Variants in C12orf42 observed in about 807,000 individuals in gnomAD.
The protein encoded by C12orf42 is uncharacterized protein C12orf42.
In C12orf42, 25 loss-of-function variants were observed where a neutral mutation model predicts 21.6. The observed-to-expected ratio is 1.16, with a 90% confidence interval of 0.84 to 1.62. The LOEUF (loss-of-function observed/expected upper bound fraction) is 1.62, where lower values mean the gene tolerates loss of function less well. C12orf42 is among the 40% of genes most tolerant of loss of function. The pLI, the probability that C12orf42 is intolerant of heterozygous loss-of-function variation, is 0.00. For synonymous variants in C12orf42, 174 were observed against 175.0 expected (o/e 0.99, Z 0.05); for missense variants, 483 against 459.3 (o/e 1.05, Z -0.47).
intron 5 of C12orf42, 129 bp downstream of exon 5, chr12:103,305,845 C>T: frequency 8.6e-7 from 1 of 1,160,176 alleles, no homozygotes; most frequent in Non-Finnish European, 1.2e-6. Flanking sequence ...CTGGCTACTA[C>T]AGTTCTTACA....
chr12:103,447,076 C>T (rs908489129), intron 2 of C12orf42, among the ~76,000 whole-genome samples: 12 of 151,928 alleles, frequency 7.9e-5, no homozygotes, highest in African/African-American at 2.7e-4. Context: ...GTCATCAGCA[C>T]ATGGAACATT....
At chr12:103,331,502 C>T (rs1355162558) in intron 4 of C12orf42, among the ~76,000 whole-genome samples, 1 of 152,156 alleles carries the variant, frequency 6.6e-6, no homozygotes, top group Admixed American at 6.5e-5. Flanking sequence ...AGGTTCTGCT[C>T]TTGTTGACTT....
the C12orf42 span, among the ~76,000 whole-genome samples, chr12:103,540,255 C>T: frequency 6.6e-6 from 1 of 152,170 alleles, no homozygotes; most frequent in Non-Finnish European, 1.5e-5. Flanking sequence ...ATCTGCCTGC[C>T]GCAGCCTCCC....
intron 4 of C12orf42, among the ~76,000 whole-genome samples, chr12:103,354,334 TAA>T (rs1202321056): frequency 1.3e-5 from 2 of 152,086 alleles, no homozygotes; most frequent in African/African-American, 4.8e-5. Context: ...CTAGCCCAAG[TAA>T]AAGAGATCTC....
the C12orf42 span, among the ~76,000 whole-genome samples, chr12:103,515,948 A>G: frequency 2.6e-5 from 4 of 152,230 alleles, no homozygotes; most frequent in African/African-American, 7.2e-5. Flanking sequence ...TGTCATGTGT[A>G]AGAAAGATGA....
At chr12:103,123,319 C>G in the C12orf42 span, among the ~76,000 whole-genome samples, 2 of 152,164 alleles carry the variant, frequency 1.3e-5, no homozygotes, top group Non-Finnish European at 1.5e-5. Flanking sequence ...CATTCAAATC[C>G]TCAGACTGAC....
At chr12:103,064,405 C>T in the C12orf42 span, among the ~76,000 whole-genome samples, 1 of 152,194 alleles carries the variant, frequency 6.6e-6, no homozygotes, top group South Asian at 2.1e-4. Flanking sequence ...ATCAGAATAG[C>T]CTGACCTGTG....
chr12:103,072,546 A>G, the C12orf42 span, among the ~76,000 whole-genome samples: 1 of 152,138 alleles, frequency 6.6e-6, no homozygotes, highest in African/African-American at 2.4e-5. Context: ...ATTCTACAAT[A>G]GCAGTACACT....
At chr12:103,272,923 T>A (rs913618781) in intron 5 of C12orf42, among the ~76,000 whole-genome samples, 2 of 152,206 alleles carry the variant, frequency 1.3e-5, no homozygotes, top group African/African-American at 4.8e-5. Context: ...CTGTTCAGTA[T>A]TTTCCAGACT....
At chr12:103,341,224 C>T (rs376710238) in intron 4 of C12orf42, among the ~76,000 whole-genome samples, 4 of 151,064 alleles carry the variant, frequency 2.6e-5, no homozygotes, top group East Asian at 2.0e-4. Flanking sequence ...CATGGTGGCA[C>T]ATGCCTGTAA....
At chr12:103,072,100 C>T in the C12orf42 span, among the ~76,000 whole-genome samples, 1 of 152,110 alleles carries the variant, frequency 6.6e-6, no homozygotes, top group Non-Finnish European at 1.5e-5. Flanking sequence ...TTTTATTTCC[C>T]AGTCTGATTC....
intron 4 of C12orf42, among the ~76,000 whole-genome samples, chr12:103,316,391 G>GAA (rs1261322695): frequency 6.6e-6 from 1 of 151,930 alleles, no homozygotes; most frequent in Non-Finnish European, 1.5e-5. Flanking sequence ...GACTGTTTTA[G>GAA]ACACACACAA....
chr12:103,168,640 C>T, the C12orf42 span, among the ~76,000 whole-genome samples: 4 of 152,208 alleles, frequency 2.6e-5, no homozygotes, highest in African/African-American at 9.6e-5. Context: ...TTTCTTAACC[C>T]GTTTAAAAAT....
intron 4 of C12orf42, among the ~76,000 whole-genome samples, chr12:103,357,488 G>C (rs2043694812): frequency 6.6e-6 from 1 of 151,928 alleles, no homozygotes; most frequent in African/African-American, 2.4e-5. Flanking sequence ...TGTTATAAGA[G>C]GAATGCTCCA....
chr12:103,255,554 A>G (rs181643481), intron 10 of C12orf42, among the ~76,000 whole-genome samples: 302 of 152,198 alleles, frequency 2.0e-3, no homozygotes, highest in African/African-American at 6.8e-3. Context: ...TATTATATAC[A>G]CTGTTAGTGA....
intron 2 of C12orf42, among the ~76,000 whole-genome samples, chr12:103,430,332 C>T (rs1182735247): frequency 6.6e-6 from 1 of 152,196 alleles, no homozygotes; most frequent in Non-Finnish European, 1.5e-5. Context: ...CAAAAGAAGA[C>T]ATCTATGCGG....
At chr12:103,107,415 ATC>A in the C12orf42 span, among the ~76,000 whole-genome samples, 3 of 152,006 alleles carry the variant, frequency 2.0e-5, no homozygotes, top group Non-Finnish European at 4.4e-5. Context: ...CGAAATACAC[ATC>A]TGTTTTCTTA....
chr12:103,104,092 A>C, the C12orf42 span, among the ~76,000 whole-genome samples: 16 of 152,224 alleles, frequency 1.1e-4, no homozygotes, highest in Non-Finnish European at 1.8e-4. Flanking sequence ...GAGAAAACTG[A>C]AGCAGAAAAA....
chr12:103,118,470 G>A, the C12orf42 span, among the ~76,000 whole-genome samples: 1 of 152,136 alleles, frequency 6.6e-6, no homozygotes, highest in Non-Finnish European at 1.5e-5. Context: ...ACATATGGAA[G>A]TATTATATCT....
Sources: allele counts gnomAD v4.1 joint callset (sites outside exome capture counted in the v4.1 genomes callset), GRCh38; gene constraint gnomAD v4.1.1; transcripts MANE v1.5; gene names NCBI Gene and HGNC (gene_info 2026-07-23, HGNC 2026-07-21).